Variants in RAPGEF6 observed in about 807,000 individuals in gnomAD.
RAPGEF6 encodes the protein Rap guanine nucleotide exchange factor 6.
RAPGEF6 carries 56 observed loss-of-function variants against 171.4 expected under a neutral mutation model. The observed-to-expected ratio is 0.33, with a 90% CI of 0.26 to 0.41. RAPGEF6 has a LOEUF of 0.41. RAPGEF6 is among the 10% of genes least tolerant of loss of function. The pLI is 1.00. For synonymous variants in RAPGEF6, 692 were observed against 650.1 expected (o/e 1.06, Z -0.98); for missense variants, 1,674 against 1,921.4 (o/e 0.87, Z 2.41).
At chr5:131,449,996 T>C (rs985721950) in intron 21 of RAPGEF6, 9 of 1,531,604 alleles carry the variant, frequency 5.9e-6, no homozygotes, top group Non-Finnish European at 7.0e-6. Flanking sequence ...CAACCTTCAT[T>C]CCAGTTGCGT....
At chr5:131,456,259 C>A (rs558171158) in intron 19 of RAPGEF6, among the ~76,000 whole-genome samples, 2 of 152,188 alleles carry the variant, frequency 1.3e-5, no homozygotes, top group East Asian at 3.9e-4. Flanking sequence ...TTTACAGTTT[C>A]ATTTAAGTGA....
intron 5 of RAPGEF6, among the ~76,000 whole-genome samples, chr5:131,553,643 G>A (rs564685733): frequency 6.6e-4 from 100 of 152,182 alleles, no homozygotes; most frequent in African/African-American, 2.3e-3. Flanking sequence ...AACAAAAGAC[G>A]TAGTAATAGA....
Position 131,439,630 on chromosome 5 carries a change from T to C in RAPGEF6, c.3696A>G (p.Ser1232=), listed in dbSNP as rs1580824873. ...ATGCAGGAGGACTAGAATGTAAAGA[T>C]GACGCCACAGAAATAGTGTCTTCTG... ...KHTEDTISVA[S]SLHSSPPASP... The change falls in exon 24 of 28, where the codon TCA becomes TCG. Residue 1232 remains serine, a synonymous_variant. Transcript: ENST00000509018. The C allele has an allele frequency of 3.1e-6, 5 of 1,612,828 alleles. No individual in the cohort carries two copies. The highest frequency in any genetic ancestry group is 2.2e-5 in the East Asian group (1 of 44,858).
chr5:131,573,411 T>C (rs1762424225), intron 4 of RAPGEF6, among the ~76,000 whole-genome samples: 1 of 152,090 alleles, frequency 6.6e-6, no homozygotes, highest in African/African-American at 2.4e-5. Flanking sequence ...CCACTAAACA[T>C]ATACAGGAAT....
intron 22 of RAPGEF6, 135 bp from the exon 23 acceptor site, chr5:131,442,672 G>A: frequency 7.4e-7 from 1 of 1,356,166 alleles, no homozygotes; most frequent in Non-Finnish European, 9.7e-7. Flanking sequence ...TTCTTAGCAG[G>A]AATTTCAGTT....
At chr5:131,453,689 A>AC (rs1043572250) in intron 20 of RAPGEF6, among the ~76,000 whole-genome samples, 4 of 152,118 alleles carry the variant, frequency 2.6e-5, no homozygotes, top group African/African-American at 9.7e-5. Context: ...ACATAGCATG[A>AC]CCCCATTTAT....
chr5:131,628,834 A>T (rs988831571), intron 1 of RAPGEF6, among the ~76,000 whole-genome samples: 4 of 152,198 alleles, frequency 2.6e-5, no homozygotes, highest in African/African-American at 9.7e-5. Flanking sequence ...AGCCTAAATG[A>T]CAGCACGTTT....
intron 11 of RAPGEF6, among the ~76,000 whole-genome samples, chr5:131,501,073 T>A (rs1011876995): frequency 2.0e-5 from 3 of 150,410 alleles, no homozygotes; most frequent in African/African-American, 7.3e-5. Context: ...ATGCTTGGCC[T>A]TGACCTGAGG....
In RAPGEF6 at chr5:131,498,558, A is replaced by G. The variant is rs10039229; in HGVS notation, c.1304T>C (p.Val435Ala). ...IMHLIEEHSIVDPTYIEDFLL... is the reference protein window; with the variant it reads ...IMHLIEEHSIADPTYIEDFLL... The stretch of plus-strand genomic sequence containing the variant: ...AAAATCTTCTATATAAGTTGGATCC[A>G]CGATGGAATGTTCTTCTATTAAATG... Residue 435 changes from valine to alanine, a missense_variant, in exon 12 of 28, where the codon GTG becomes GCG. Val to Ala is a moderately conservative substitution (Grantham distance 64). Coordinates refer to ENST00000509018, the MANE Select transcript of RAPGEF6 (RefSeq NM_016340.6). 6.2e-6 allele frequency: 10 copies of G among 1,613,938 alleles called. No individual in the cohort carries two copies. The highest frequency in any genetic ancestry group is 8.5e-6 in the Non-Finnish European group (10 of 1,179,906).
chr5:131,479,897 AC>A, intron 15 of RAPGEF6, 144 bp from the exon 16 acceptor site: 2 of 828,064 alleles, frequency 2.4e-6, no homozygotes, highest in Non-Finnish European at 3.7e-6. Flanking sequence ...TCAAGTATTT[AC>A]CCGTCCTTTA....
chr5:131,630,011 G>A (rs1183411676), intron 1 of RAPGEF6, among the ~76,000 whole-genome samples: 1 of 152,142 alleles, frequency 6.6e-6, no homozygotes, highest in Non-Finnish European at 1.5e-5. Flanking sequence ...GCAGAATTTG[G>A]GAGGACTGAC....
At chr5:131,519,269 A>C (rs1758313184) in intron 7 of RAPGEF6, among the ~76,000 whole-genome samples, 2 of 152,248 alleles carry the variant, frequency 1.3e-5, no homozygotes, top group Admixed American at 1.3e-4. Flanking sequence ...TGTAGGGACC[A>C]ACTGTGTACA....
intron 1 of RAPGEF6, among the ~76,000 whole-genome samples, chr5:131,624,766 T>A (rs893028756): frequency 3.3e-5 from 5 of 152,232 alleles, no homozygotes; most frequent in African/African-American, 7.2e-5. Context: ...TCTGGAGTGC[T>A]GGTAATATTC....
At position 131,429,227 on chromosome 5, in the gene RAPGEF6, A is replaced by C; in HGVS notation, c.4466-11T>G. On this transcript the variant is annotated splice_polypyrimidine_tract_variant and intron_variant, in intron 26 of 27. Coordinates refer to ENST00000509018, the MANE Select transcript of RAPGEF6 (RefSeq NM_016340.6). ...AGGTGACACAGTACACTGGCATGAA[A>C]AATAAGCAATGAAAATGTTAATGAA... 1 of 1,527,018 alleles carries C rather than the reference A, an allele frequency of 6.5e-7. No individual in the cohort carries two copies. The highest frequency in any genetic ancestry group is 8.9e-7 in the Non-Finnish European group (1 of 1,129,658). 94.6% of individuals were successfully genotyped at this position (1,527,018 alleles called of 1,614,324 possible). A position where few individuals can be genotyped will look rare whatever the true frequency, so the allele number is the denominator to read the frequency against.
chr5:131,467,449 GTTAATA>G (rs1271920863), intron 17 of RAPGEF6, among the ~76,000 whole-genome samples: 1 of 152,174 alleles, frequency 6.6e-6, no homozygotes, highest in African/African-American at 2.4e-5. Flanking sequence ...CTTTCTCTGC[GTTAATA>G]TTAATGACAG....
chr5:131,462,631 C>A (rs1754013523), intron 18 of RAPGEF6, among the ~76,000 whole-genome samples: 1 of 152,170 alleles, frequency 6.6e-6, no homozygotes, highest in Admixed American at 6.5e-5. Context: ...AATACAAAAC[C>A]TCATTCCAGC....
At position 131,433,654 on chromosome 5, in the gene RAPGEF6, G is replaced by A. The variant is rs750877620; in HGVS notation, c.3750C>T (p.Tyr1250=). ...CAGATTTAGCTGATGGAATAAGTGTGTAACCTGAACAAGAAAAGAGCACTG... is the reference window on the plus strand; with the variant it reads ...CAGATTTAGCTGATGGAATAAGTGTATAACCTGAACAAGAAAAGAGCACTG... The part of the protein sequence containing the change: ...ASPQGSPHKG[Y]TLIPSAKSDN... The change falls in exon 25 of 28, where the codon TAC becomes TAT. Residue 1250 remains tyrosine (Y), a synonymous_variant. Coordinates refer to ENST00000509018, the MANE Select transcript of RAPGEF6 (RefSeq NM_016340.6). 1.9e-6 allele frequency: 3 copies of A among 1,599,948 alleles called. No individual in the cohort carries two copies. The highest frequency in any genetic ancestry group is 2.6e-6 in the Non-Finnish European group (3 of 1,167,572).
rs900197599 is a variant in RAPGEF6 at position 131,554,821 on chromosome 5, T to C, written c.352-6631A>G. Among the ~76,000 whole-genome samples, 10 of 151,896 alleles carry C rather than the reference T, an allele frequency of 6.6e-5. No individual in the cohort carries two copies. The South Asian group carries it at 1.9e-3, about 28-fold the overall frequency. On this transcript the variant is annotated intron_variant, in intron 5 of 27. Coordinates refer to ENST00000509018, the MANE Select transcript of RAPGEF6 (RefSeq NM_016340.6). ...AGGGAGCCACTGTGCCTGGCCTAAG[T>C]AGGAATTTAAAAATAGTCAGAATTA... is the stretch of plus-strand genomic sequence containing the variant.
rs566926894 is a variant in RAPGEF6, at chr5:131,583,228, T to C, written c.281+9155A>G. Among the ~76,000 whole-genome samples the C allele has an allele frequency of 2.6e-5, 4 of 152,050 alleles. No individual in the cohort carries two copies. In the South Asian group the frequency reaches 6.3e-4, roughly 24 times the overall value. On this transcript the variant is annotated intron_variant, in intron 4 of 27. Coordinates refer to ENST00000509018, the MANE Select transcript of RAPGEF6 (RefSeq NM_016340.6). ...CCCCAGAGAAACCTTGAAAACTGAG[T>C]TCCCAGCCATGATGGGAAGGGAGGT...
Sources: gnomAD v4.1 joint callset for allele counts (sites outside exome capture counted in the v4.1 genomes callset) on GRCh38, gnomAD v4.1.1 for gene constraint, MANE v1.5 for transcripts, NCBI Gene and HGNC (gene_info 2026-07-23, HGNC 2026-07-21) for gene names.